The following VCAN variants were observed in gnomAD, a reference collection of about 807,000 sequenced individuals.
VCAN encodes the protein versican core protein.
VCAN carries 44 observed loss-of-function variants against 245.5 expected under a neutral mutation model. The observed-to-expected ratio is 0.18, with a 90% confidence interval of 0.14 to 0.23. VCAN has a LOEUF of 0.23. Among genes scored for constraint, VCAN ranks in the 10% least tolerant of loss-of-function variants. The pLI, the probability that VCAN is intolerant of heterozygous loss-of-function variation, is 1.00. For missense variants in VCAN, 3,793 were observed against 4,057.9 expected (o/e 0.93, Z 1.77); for synonymous variants, 1,413 against 1,437.0 (o/e 0.98, Z 0.38).
intron 1 of VCAN, among the ~76,000 whole-genome samples, chr5:83,475,919 C>T (rs928752574): frequency 6.6e-6 from 1 of 152,060 alleles, no homozygotes; most frequent in African/African-American, 2.4e-5. Context: ...TTCAAAAAAA[C>T]GAGGTTTGAA....
At position 83,540,988 on chromosome 5, in the gene VCAN, A is replaced by G. The variant is rs1372415264; in HGVS notation, c.7985A>G (p.Gln2662Arg). 4 of 1,613,986 alleles carry G rather than the reference A, an allele frequency of 2.5e-6. No homozygotes were observed. The highest frequency in any genetic ancestry group is 3.4e-6 in the Non-Finnish European group (4 of 1,179,986). The change falls in exon 8 of 15, where the codon CAA becomes CGA. Residue 2662 changes from glutamine (Q) to arginine (R), a missense_variant. By Grantham distance (43) the Gln-to-Arg change is conservative. Around this residue, in one of 5 missense-constraint regions of VCAN, gnomAD observed 3,182 missense variants for 3,250.3 expected, o/e 0.98. Transcript: ENST00000265077. Reference protein sequence around the residue: ...DESMTYEDRSQLDHMGFHFTT... With the variant: ...DESMTYEDRSRLDHMGFHFTT... ...TCAATGACTTATGAAGATAGAAGCCAACTAGATCACATGGGCTTTCACTTC... is the reference window on the plus strand; with the variant it reads ...TCAATGACTTATGAAGATAGAAGCCGACTAGATCACATGGGCTTTCACTTC...
intron 12 of VCAN, among the ~76,000 whole-genome samples, chr5:83,562,974 C>T (rs1007556951): frequency 1.2e-4 from 18 of 152,132 alleles, no homozygotes; most frequent in African/African-American, 3.9e-4. Flanking sequence ...TTGTCTTTCC[C>T]GCACAGAGGT....
At chr5:83,504,282 T>G (rs1353286059) in intron 5 of VCAN, among the ~76,000 whole-genome samples, 1 of 152,244 alleles carries the variant, frequency 6.6e-6, no homozygotes, top group African/African-American at 2.4e-5. Context: ...CTGCATATGT[T>G]TTCCATATGA....
intron 2 of VCAN, among the ~76,000 whole-genome samples, chr5:83,488,845 A>G (rs902224283): frequency 6.6e-6 from 1 of 152,224 alleles, no homozygotes; most frequent in Admixed American, 6.5e-5. Context: ...TATATTAATT[A>G]TTTTGGATTT....
intron 7 of VCAN, among the ~76,000 whole-genome samples, chr5:83,532,703 C>T (rs899605606): frequency 3.3e-5 from 5 of 151,908 alleles, no homozygotes; most frequent in Non-Finnish European, 5.9e-5. Context: ...AACAGATCAA[C>T]AACCTGTCTA....
intron 7 of VCAN, among the ~76,000 whole-genome samples, chr5:83,532,739 C>G (rs1004907340): frequency 6.6e-6 from 1 of 152,006 alleles, no homozygotes; most frequent in Admixed American, 6.6e-5. Context: ...AAACCATTTG[C>G]AAGTTGTCGC....
chr5:83,572,897 ATTT>A (rs1158679965), intron 13 of VCAN, among the ~76,000 whole-genome samples: 105 of 117,960 alleles, frequency 8.9e-4, no homozygotes, highest in South Asian at 6.9e-3. Context: ...TTATTTATTT[ATTT>A]ATTATTATTA....
At chr5:83,563,129 G>A (rs28517427) in intron 12 of VCAN, among the ~76,000 whole-genome samples, 3,315 of 152,230 alleles carry the variant, frequency 0.022, 110 homozygotes, top group African/African-American at 0.075. Context: ...CAAAACAAAC[G>A]TCTCTTTCTC....
At chr5:83,544,648 G>T (rs2112455333) in intron 8 of VCAN, among the ~76,000 whole-genome samples, 1 of 152,176 alleles carries the variant, frequency 6.6e-6, no homozygotes, top group East Asian at 1.9e-4. Context: ...AGAAATGTAA[G>T]CAAGTCTGAA....
In VCAN at chr5:83,503,754, G is replaced by A. The variant is rs919797089; in HGVS notation, c.749-8349G>A. On this transcript the variant is annotated intron_variant, in intron 5 of 14. Coordinates refer to ENST00000265077, the MANE Select transcript of VCAN (RefSeq NM_004385.5). ...GAGAGCAGCCCATCTGCTGCAGTCA[G>A]GAAAGAATTGTGTAATTATCTGTGA... 1.2e-4 allele frequency among the ~76,000 whole-genome samples: 18 copies of A among 152,282 alleles called. No homozygotes were observed. In the East Asian group the frequency reaches 2.3e-3, roughly 20 times the overall value.
chr5:83,472,916 A>C (rs1197775815), intron 1 of VCAN, among the ~76,000 whole-genome samples: 8 of 152,128 alleles, frequency 5.3e-5, no homozygotes, highest in Non-Finnish European at 1.0e-4. Flanking sequence ...CCATCTCAAC[A>C]AGCAAACCGG....
intron 12 of VCAN, among the ~76,000 whole-genome samples, chr5:83,568,157 A>G (rs1047750631): frequency 6.6e-6 from 1 of 152,258 alleles, no homozygotes; most frequent in Non-Finnish European, 1.5e-5. Flanking sequence ...TTTTCTCCCT[A>G]CAAGTAATGT....
chr5:83,548,991 G>T (rs1366603949), intron 10 of VCAN, among the ~76,000 whole-genome samples: 2 of 152,148 alleles, frequency 1.3e-5, no homozygotes, highest in Non-Finnish European at 2.9e-5. Context: ...ACATTTTTAG[G>T]TGTTGGTTTT....
Position 83,539,109 on chromosome 5 carries a change from A to C in VCAN, c.6106A>C (p.Thr2036Pro), listed in dbSNP as rs745971281. 2.1e-5 allele frequency: 34 copies of C among 1,613,898 alleles called. No individual in the cohort carries two copies. Among genetic ancestry groups the C allele is most frequent in the Non-Finnish European group, 2.9e-5 (34 of 1,179,976 alleles). Residue 2036 changes from threonine (T) to proline (P), a missense_variant, in exon 8 of 15, where the codon ACA becomes CCA. Physicochemically the swap from Thr to Pro is conservative, Grantham distance 38 (BLOSUM62 -1). Coordinates refer to ENST00000265077, the MANE Select transcript of VCAN (RefSeq NM_004385.5). ...LPSAVQKFSG[T>P]ASSIIDEGLG... ...CAGTGCTGTGCAAAAGTTTTCTGGTACAGCTTCCTCCATTATCGACGAAGG... is the reference window on the plus strand; with the variant it reads ...CAGTGCTGTGCAAAAGTTTTCTGGTCCAGCTTCCTCCATTATCGACGAAGG...
At position 83,542,084 on chromosome 5, in the gene VCAN, A is replaced by C. The variant is rs780780453; in HGVS notation, c.9081A>C (p.Ala3027=). ...TCAGAGGGCAGGATTCCACGATAGC[A>C]GCATCAGAACAGCAAGTGGCAGCGA... ...ALIRGQDSTI[A]ASEQQVAARI... is the part of the protein sequence containing the mutation. Residue 3027 remains alanine, a synonymous_variant, in exon 8 of 15, where the codon GCA becomes GCC. Transcript: ENST00000265077. The C allele has an allele frequency of 6.2e-7, 1 of 1,613,722 alleles. No homozygotes were observed. Among genetic ancestry groups the C allele is most frequent in the Non-Finnish European group, 8.5e-7 (1 of 1,179,740 alleles).
At chr5:83,542,394 C>T in intron 8 of VCAN, 126 bp downstream of exon 8, 2 of 1,027,574 alleles carry the variant, frequency 1.9e-6, no homozygotes, top group South Asian at 1.4e-5. Flanking sequence ...ATTCACATAA[C>T]AGCAGGCCAG....
intron 5 of VCAN, among the ~76,000 whole-genome samples, chr5:83,501,949 A>G (rs572778453): frequency 6.6e-6 from 1 of 152,120 alleles, no homozygotes; most frequent in South Asian, 2.1e-4. Flanking sequence ...TATTTTTTAG[A>G]TATTCTTTCA....
chr5:83,520,789 C>T lies in VCAN; in HGVS notation c.2483C>T (p.Pro828Leu), dbSNP rs773740967. The T allele has an allele frequency of 5.0e-6, 8 of 1,614,136 alleles. No individual in the cohort carries two copies. Among genetic ancestry groups the T allele is most frequent in the Admixed American group, 3.3e-5 (2 of 60,016 alleles). Residue 828 changes from proline to leucine, a missense_variant, in exon 7 of 15, where the codon CCT (proline) becomes CTT (leucine). Around this residue, in one of 5 missense-constraint regions of VCAN, gnomAD observed 3,182 missense variants for 3,250.3 expected, o/e 0.98. Coordinates refer to ENST00000265077, the MANE Select transcript of VCAN (RefSeq NM_004385.5). ...TEPSASSKLP[P>L]ALLTTVGMNG... ...CCTTCAGCCTCTTCAAAATTGCCCC[C>T]TGCCTTACTCACAACTGTGGGGATG...
intron 9 of VCAN, among the ~76,000 whole-genome samples, chr5:83,547,589 A>G (rs1171087641): frequency 6.6e-6 from 1 of 152,154 alleles, no homozygotes; most frequent in Admixed American, 6.5e-5. Context: ...TAATCAGAGA[A>G]TGAGCCATGA....
Sources: allele counts gnomAD v4.1 joint callset (sites outside exome capture counted in the v4.1 genomes callset), GRCh38; gene constraint gnomAD v4.1.1; regional missense constraint gnomAD v4.1.1; transcripts MANE v1.5; gene names NCBI Gene and HGNC (gene_info 2026-07-23, HGNC 2026-07-21).